Variants in MANSC1 observed in about 807,000 individuals in gnomAD.
The protein encoded by MANSC1 is MANSC domain containing 1.
MANSC1 carries 13 observed loss-of-function variants against 14.1 expected under a neutral mutation model. That is an observed-to-expected ratio of 0.92 (90% CI 0.60 to 1.46). The LOEUF (loss-of-function observed/expected upper bound fraction) is 1.46. MANSC1 is among the 40% of genes most tolerant of loss of function. MANSC1 has a pLI of 0.00. For synonymous variants in MANSC1, 227 were observed against 200.7 expected, an observed-to-expected ratio of 1.13 and a Z score of -1.11; for missense variants, 486 against 511.4, an observed-to-expected ratio of 0.95 and a Z score of 0.48.
chr12:12,339,265 A>T (rs1862903446), intron 2 of MANSC1: 1 of 152,008 alleles, frequency 6.6e-6, no homozygotes, highest in Admixed American at 6.6e-5. Flanking sequence ...TATTTTTTTT[A>T]TTTTTTATTT....
At chr12:12,333,994 A>C (rs1198966543) in intron 3 of MANSC1, among the ~76,000 whole-genome samples, 1 of 152,206 alleles carries the variant, frequency 6.6e-6, no homozygotes, top group Non-Finnish European at 1.5e-5. Context: ...CATGCCTGTA[A>C]TCCCAGCACT....
At chr12:12,334,979 T>C (rs1413786322) in intron 3 of MANSC1, among the ~76,000 whole-genome samples, 1 of 151,992 alleles carries the variant, frequency 6.6e-6, no homozygotes, top group Admixed American at 6.6e-5. Flanking sequence ...CTTAATGCAG[T>C]CAAGAGAGAA....
At chr12:12,343,557 T>C (rs1862966256) in intron 1 of MANSC1, 143 bp from the exon 2 acceptor site, 2 of 485,786 alleles carry the variant, frequency 4.1e-6, no homozygotes, top group Non-Finnish European at 3.7e-6. Context: ...GTTTCACTTT[T>C]AGTAAATTTA....
In MANSC1 at chr12:12,328,343, G is replaced by A. The variant is rs35165703; in HGVS notation, c.*1684C>T. 14,774 of 152,032 alleles carry A rather than the reference G, an allele frequency of 0.097. 908 individuals are homozygous for A. The highest frequency in any genetic ancestry group is 0.15 in the East Asian group (794 of 5,130). 9.4% of individuals were successfully genotyped at this position (152,032 alleles called of 1,614,324 possible). A position where few individuals can be genotyped will look rare whatever the true frequency, so the allele number is the denominator to read the frequency against. ...TGCAATCTGGCTCACCGCAACCTCC[G>A]CCTCCTGGATTCAAACTACTCTCCT... On this transcript the variant is annotated 3_prime_UTR_variant, in exon 4 of 4. Coordinates refer to ENST00000535902, the MANE Select transcript of MANSC1 (RefSeq NM_018050.4).
intron 3 of MANSC1, among the ~76,000 whole-genome samples, chr12:12,333,513 A>G (rs1413522833): frequency 6.6e-6 from 1 of 152,180 alleles, no homozygotes; most frequent in Non-Finnish European, 1.5e-5. Context: ...GGCCAGTCCC[A>G]CTTCTTGATA....
At position 12,330,629 on chromosome 12, in the gene MANSC1, C is replaced by A. The variant is rs1363821458; in HGVS notation, c.694G>T (p.Val232Phe). ...NVSALPATVAVASPHTTSATP... is the reference protein window; with the variant it reads ...NVSALPATVAFASPHTTSATP... ...GCCGAGGTGGTATGTGGAGAAGCAA[C>A]TGCCACCGTAGCTGGGAGCGCACTC... Residue 232 changes from valine to phenylalanine, a missense_variant, in exon 4 of 4, where the codon GTT becomes TTT. By Grantham distance (50) the Val-to-Phe change is conservative. Coordinates refer to ENST00000535902, the MANE Select transcript of MANSC1 (RefSeq NM_018050.4). 6.2e-7 allele frequency: 1 copy of A among 1,614,060 alleles called. No homozygotes were observed. The highest frequency in any genetic ancestry group is 8.5e-7 in the Non-Finnish European group (1 of 1,180,016).
chr12:12,340,319 C>T (rs969121672), intron 2 of MANSC1, among the ~76,000 whole-genome samples: 2 of 152,148 alleles, frequency 1.3e-5, no homozygotes, highest in Admixed American at 6.5e-5. Context: ...TGGTGCTAGT[C>T]AGGCAATGGT....
rs1565788706 is a variant in MANSC1 at position 12,328,083 on chromosome 12, G to A, written c.*1944C>T. 1 of 152,118 alleles carries A rather than the reference G, an allele frequency of 6.6e-6. No individual in the cohort carries two copies. Among genetic ancestry groups the A allele is most frequent in the African/African-American group, 2.4e-5 (1 of 41,426 alleles). The allele number at this position is 152,118 out of a possible 1,614,324, so 9.4% of individuals were successfully genotyped here. A position where few individuals can be genotyped will look rare whatever the true frequency, so the allele number is the denominator to read the frequency against. On this transcript the variant is annotated 3_prime_UTR_variant, in exon 4 of 4. Transcript: ENST00000535902. Reference sequence around the variant, plus strand: ...ACACTTGGAAGGGATCAAATTTCCTGTTTTGCAGATAAGCAAATTGAAGTC... The same window carrying A: ...ACACTTGGAAGGGATCAAATTTCCTATTTTGCAGATAAGCAAATTGAAGTC...
At chr12:12,334,060 G>A (rs1862826186) in intron 3 of MANSC1, among the ~76,000 whole-genome samples, 1 of 150,586 alleles carries the variant, frequency 6.6e-6, no homozygotes, top group African/African-American at 2.4e-5. Flanking sequence ...ACCAGCCTGG[G>A]CAACATACTG....
intron 1 of MANSC1, among the ~76,000 whole-genome samples, chr12:12,347,149 C>T (rs1372668020): frequency 6.6e-6 from 1 of 152,108 alleles, no homozygotes; most frequent in Non-Finnish European, 1.5e-5. Flanking sequence ...TCTATTATTA[C>T]ATTATAATAT....
chr12:12,332,583 T>C (rs1382439178), intron 3 of MANSC1, among the ~76,000 whole-genome samples: 1 of 152,068 alleles, frequency 6.6e-6, no homozygotes, highest in East Asian at 1.9e-4. Flanking sequence ...TGCAGTGGTA[T>C]GATCTCGACT....
At chr12:12,335,667 G>C (rs1862849600) in intron 3 of MANSC1, among the ~76,000 whole-genome samples, 1 of 149,568 alleles carries the variant, frequency 6.7e-6, no homozygotes, top group African/African-American at 2.5e-5. Context: ...AACATGGCGA[G>C]ACCATGTCTA....
chr12:12,337,124 A>C (rs1284142796), intron 3 of MANSC1, among the ~76,000 whole-genome samples: 1 of 151,908 alleles, frequency 6.6e-6, no homozygotes, highest in African/African-American at 2.4e-5. Flanking sequence ...ACAAAAAAAA[A>C]AAAATAGCTG....
At position 12,330,485 on chromosome 12, in the gene MANSC1, T is replaced by A. The variant is rs758425146; in HGVS notation, c.838A>T (p.Thr280Ser). The A allele has an allele frequency of 3.9e-4, 634 of 1,613,974 alleles. No homozygotes were observed. Among genetic ancestry groups the A allele is most frequent in the Non-Finnish European group, 5.1e-4 (596 of 1,180,028 alleles). Residue 280 changes from threonine to serine, a missense_variant, in exon 4 of 4, where the codon ACG (threonine) becomes TCG (serine). Physicochemically the swap from Thr to Ser is moderately conservative, Grantham distance 58 (BLOSUM62 1). Transcript: ENST00000535902. ...GTAAAAACTGTAGAAATGAGGGTCG[T>A]GGGAGGCTGAGAAGTGACAGTGGTT... is the stretch of plus-strand genomic sequence containing the variant. ...PVTTVTSQPP[T>S]TLISTVFTRA...
Position 12,330,408 on chromosome 12 carries a change from G to A in MANSC1, c.915C>T (p.Thr305=), listed in dbSNP as rs749883122. 6.4e-5 allele frequency: 103 copies of A among 1,614,108 alleles called. No individual in the cohort carries two copies. The highest frequency in any genetic ancestry group is 8.5e-5 in the Non-Finnish European group (100 of 1,180,042). ...QAMATTAVLT[T]TFQAPTDSKG... ...TCGAGTCCGTAGGTGCCTGAAAGGT[G>A]GTAGTCAGAACTGCTGTTGTAGCCA... The change falls in exon 4 of 4, where the codon ACC becomes ACT. Residue 305 remains threonine (T), a synonymous_variant. Coordinates refer to ENST00000535902, the MANE Select transcript of MANSC1 (RefSeq NM_018050.4).
intron 1 of MANSC1, among the ~76,000 whole-genome samples, chr12:12,344,626 C>T (rs551398170): frequency 2.0e-5 from 3 of 151,664 alleles, no homozygotes; most frequent in Non-Finnish European, 2.9e-5. Flanking sequence ...CATGCCACCA[C>T]GCCCGGCTGG....
chr12:12,338,190 GTCTTTTA>G (rs1343158547), intron 3 of MANSC1, among the ~76,000 whole-genome samples: 1 of 152,176 alleles, frequency 6.6e-6, no homozygotes, highest in African/African-American at 2.4e-5. Flanking sequence ...AGGTTTGTGT[GTCTTTTA>G]TCTCATGAAG....
Position 12,330,507 on chromosome 12 carries a change from G to T in MANSC1, c.816C>A (p.Thr272=), listed in dbSNP as rs376182046. Residue 272 remains threonine (T), a synonymous_variant, in exon 4 of 4, where the codon ACC becomes ACA. Transcript: ENST00000535902. Reference sequence around the variant, plus strand: ...TCGTGGGAGGCTGAGAAGTGACAGTGGTTACAGGTGGAGCTGTGGTGGCCA... The same window carrying T: ...TCGTGGGAGGCTGAGAAGTGACAGTTGTTACAGGTGGAGCTGTGGTGGCCA... ...PQLATTAPPV[T]TVTSQPPTTL... is the part of the protein sequence containing the mutation. 3.1e-6 allele frequency: 5 copies of T among 1,614,206 alleles called. No homozygotes were observed. The South Asian group carries it at 5.5e-5, about 18-fold the overall frequency.
At chr12:12,336,051 C>CA (rs918967566) in intron 3 of MANSC1, among the ~76,000 whole-genome samples, 3 of 152,092 alleles carry the variant, frequency 2.0e-5, no homozygotes, top group African/African-American at 7.2e-5. Context: ...CGTGTAGTGG[C>CA]ATATGCCCCT....
Sources: allele counts gnomAD v4.1 joint callset (sites outside exome capture counted in the v4.1 genomes callset), GRCh38; gene constraint gnomAD v4.1.1; transcripts MANE v1.5; gene names NCBI Gene and HGNC (gene_info 2026-07-23, HGNC 2026-07-21).